Variants in EYA1 observed in about 807,000 individuals in gnomAD.
The protein encoded by EYA1 is EYA transcriptional coactivator and phosphatase 1, also known as protein phosphatase EYA1.
In EYA1, 16 loss-of-function variants were observed where a neutral mutation model predicts 82.0. That is an observed-to-expected ratio of 0.20 (90% confidence interval 0.13 to 0.30). The LOEUF is 0.30. EYA1 is among the 10% of genes least tolerant of loss of function. EYA1 has a pLI of 1.00. For synonymous variants in EYA1, 261 were observed against 264.4 expected (o/e 0.99, Z 0.12); for missense variants, 633 against 730.7 (o/e 0.87, Z 1.54).
intron 16 of EYA1, among the ~76,000 whole-genome samples, chr8:71,213,567 A>C (rs1477910575): frequency 6.6e-6 from 1 of 152,142 alleles, no homozygotes; most frequent in Non-Finnish European, 1.5e-5. Context: ...TATTTGATAT[A>C]TTTCTTGCTT....
intron 7 of EYA1, among the ~76,000 whole-genome samples, chr8:71,300,559 T>G (rs931306439): frequency 6.6e-6 from 1 of 152,184 alleles, no homozygotes; most frequent in African/African-American, 2.4e-5. Flanking sequence ...TCTTTCTGTT[T>G]GGCTATTTGG....
chr8:71,379,468 G>A (rs145713275), intron 2 of EYA1, among the ~76,000 whole-genome samples: 426 of 151,856 alleles, frequency 2.8e-3, no homozygotes, highest in African/African-American at 9.5e-3. Context: ...AGGACCACCT[G>A]TGTGCCTGAA....
chr8:71,204,457 T>C (rs552046406), intron 17 of EYA1, among the ~76,000 whole-genome samples: 10 of 152,226 alleles, frequency 6.6e-5, no homozygotes, highest in African/African-American at 2.2e-4. Flanking sequence ...TAGGAATTTA[T>C]CCTACAGATG....
chr8:71,274,836 G>T (rs1194890618), intron 9 of EYA1, among the ~76,000 whole-genome samples: 2 of 151,972 alleles, frequency 1.3e-5, no homozygotes, highest in African/African-American at 4.8e-5. Flanking sequence ...GTTCCAGACA[G>T]GGGCATAAGT....
intron 2 of EYA1, among the ~76,000 whole-genome samples, chr8:71,494,022 CAAA>C (rs34340467): frequency 0.015 from 631 of 41,840 alleles, 5 homozygotes; most frequent in African/African-American, 0.04. Flanking sequence ...GACTCCGTCT[CAAA>C]AAAAAAAAAA....
intron 2 of EYA1, among the ~76,000 whole-genome samples, chr8:71,414,204 G>C (rs913430848): frequency 2.6e-5 from 4 of 152,156 alleles, no homozygotes; most frequent in Non-Finnish European, 5.9e-5. Context: ...CTCAGATGAG[G>C]CTGTGCTTTT....
intron 11 of EYA1, among the ~76,000 whole-genome samples, chr8:71,263,383 AAACCATGCCCAAACCAAGC>A (rs1480159788): frequency 3.9e-5 from 6 of 152,250 alleles, no homozygotes; most frequent in Admixed American, 3.9e-4. Flanking sequence ...TTGTACCACC[AAACCATGCCCAAACCAAGC>A]AACCTGGAAC....
At chr8:71,262,202 TAGC>T (rs1815207036) in intron 11 of EYA1, among the ~76,000 whole-genome samples, 1 of 152,256 alleles carries the variant, frequency 6.6e-6, no homozygotes, top group Non-Finnish European at 1.5e-5. Context: ...AAGTGTGAGA[TAGC>T]AGTGTAAACC....
intron 6 of EYA1, among the ~76,000 whole-genome samples, chr8:71,318,918 T>G (rs1271424398): frequency 6.6e-6 from 1 of 152,152 alleles, no homozygotes; most frequent in East Asian, 1.9e-4. Flanking sequence ...AAATGTGATT[T>G]TCCCTGTAAA....
intron 11 of EYA1, among the ~76,000 whole-genome samples, chr8:71,268,219 G>A (rs1281126243): frequency 6.6e-6 from 1 of 152,152 alleles, no homozygotes; most frequent in Non-Finnish European, 1.5e-5. Context: ...GCTTATAGGA[G>A]ACTTTCTGGG....
chr8:71,458,551 A>G (rs929736234), intron 2 of EYA1, among the ~76,000 whole-genome samples: 5 of 152,156 alleles, frequency 3.3e-5, no homozygotes, highest in African/African-American at 1.2e-4. Flanking sequence ...GGTATTACAT[A>G]GCTCCAAATA....
At chr8:71,489,261 T>A (rs1221147913) in intron 2 of EYA1, among the ~76,000 whole-genome samples, 1 of 152,210 alleles carries the variant, frequency 6.6e-6, no homozygotes, top group Non-Finnish European at 1.5e-5. Context: ...GGAACATTTA[T>A]CTTTGTTAAC....
intron 3 of EYA1, among the ~76,000 whole-genome samples, chr8:71,353,960 G>C (rs1268781231): frequency 2.0e-5 from 3 of 152,136 alleles, no homozygotes; most frequent in African/African-American, 4.8e-5. Flanking sequence ...CAATAGACTA[G>C]AGTAGAAATA....
intron 2 of EYA1, among the ~76,000 whole-genome samples, chr8:71,467,957 G>A (rs1174534434): frequency 6.6e-6 from 1 of 152,036 alleles, no homozygotes; most frequent in African/African-American, 2.4e-5. Flanking sequence ...AACACTAGCA[G>A]GAAAGGTGTC....
At chr8:71,517,581 A>C (rs947991415) in intron 2 of EYA1, among the ~76,000 whole-genome samples, 1 of 151,686 alleles carries the variant, frequency 6.6e-6, no homozygotes, top group Admixed American at 6.6e-5. Flanking sequence ...CAGGTTTCTC[A>C]TTATTATATA....
intron 9 of EYA1, among the ~76,000 whole-genome samples, chr8:71,297,009 G>T (rs1317925775): frequency 6.6e-6 from 1 of 151,972 alleles, no homozygotes; most frequent in Non-Finnish European, 1.5e-5. Flanking sequence ...TGCAACACAA[G>T]AAAGGCTGAT....
chr8:71,257,427 C>T (rs1586036183), intron 11 of EYA1, among the ~76,000 whole-genome samples: 1 of 152,098 alleles, frequency 6.6e-6, no homozygotes, highest in Non-Finnish European at 1.5e-5. Flanking sequence ...GGTGGTGAAA[C>T]TATGGATTAA....
intron 2 of EYA1, among the ~76,000 whole-genome samples, chr8:71,489,183 C>T (rs1384008239): frequency 1.3e-5 from 2 of 152,120 alleles, no homozygotes; most frequent in Non-Finnish European, 2.9e-5. Context: ...AAACACACAT[C>T]GATTGGTTTG....
intron 2 of EYA1, among the ~76,000 whole-genome samples, chr8:71,397,597 A>C (rs1829704027): frequency 6.6e-6 from 1 of 152,166 alleles, no homozygotes; most frequent in Admixed American, 6.5e-5. Context: ...TCTTTTCTTT[A>C]AGAATGTTGA....
Sources: allele counts gnomAD v4.1 joint callset (sites outside exome capture counted in the v4.1 genomes callset), GRCh38; gene constraint gnomAD v4.1.1; transcripts MANE v1.5; gene names NCBI Gene and HGNC (gene_info 2026-07-23, HGNC 2026-07-21).